The following ZNF827 variants were observed in gnomAD, a reference collection of about 807,000 sequenced individuals.
ZNF827 encodes zinc finger protein 827.
A neutral mutation model predicts 102.4 loss-of-function variants in ZNF827; 13 were observed. The observed-to-expected ratio is 0.13, with a 90% CI of 0.08 to 0.20. ZNF827 has a LOEUF of 0.20. Ranked by LOEUF, ZNF827 falls within the 10% of genes least tolerant of loss-of-function variation. ZNF827 has a pLI of 1.00. For missense variants in ZNF827, 1,103 were observed against 1,344.4 expected, an observed-to-expected ratio of 0.82 and a Z score of 2.81; for synonymous variants, 523 against 536.2, an observed-to-expected ratio of 0.98 and a Z score of 0.34.
chr4:145,824,991 A>G (rs945905215), intron 7 of ZNF827, among the ~76,000 whole-genome samples: 2 of 152,260 alleles, frequency 1.3e-5, no homozygotes, highest in Non-Finnish European at 2.9e-5. Context: ...CTTAAACACA[A>G]AACAATTTAA....
intron 1 of ZNF827, among the ~76,000 whole-genome samples, chr4:145,916,405 C>T (rs1752671284): frequency 6.6e-6 from 1 of 152,150 alleles, no homozygotes; most frequent in South Asian, 2.1e-4. Flanking sequence ...ATGTGGGGAG[C>T]AAAGACTTAC....
chr4:145,865,681 A>T (rs376587776), intron 5 of ZNF827, among the ~76,000 whole-genome samples: 132 of 152,294 alleles, frequency 8.7e-4, no homozygotes, highest in Middle Eastern at 3.4e-3. Context: ...AGCACCAAAC[A>T]CATTTCCACT....
chr4:145,881,230 GA>G (rs568214893), intron 4 of ZNF827, among the ~76,000 whole-genome samples: 203 of 152,316 alleles, frequency 1.3e-3, no homozygotes, highest in African/African-American at 4.7e-3. Flanking sequence ...TAATAAGTCA[GA>G]AACAGTTTAG....
chr4:145,887,950 A>AG (rs764098384), intron 3 of ZNF827, among the ~76,000 whole-genome samples: 1 of 152,164 alleles, frequency 6.6e-6, no homozygotes, highest in Non-Finnish European at 1.5e-5. Context: ...CCAGGAGAGG[A>AG]GGGGAGCTAA....
rs1206701804 is a variant in ZNF827, at chr4:145,759,255, A to T, written c.*2361T>A. 1 of 152,230 alleles carries T rather than the reference A, an allele frequency of 6.6e-6. No individual in the cohort carries two copies. Among genetic ancestry groups the T allele is most frequent in the Non-Finnish European group, 1.5e-5 (1 of 68,040 alleles). 9.4% of individuals were successfully genotyped at this position (152,230 alleles called of 1,614,324 possible). ...TTCTGTTGTTTTAAAAATACAAGCA[A>T]TGAACATATTCAGCCAAAGATTTTT... On this transcript the variant is annotated 3_prime_UTR_variant, in exon 15 of 15. Coordinates refer to ENST00000508784, the MANE Select transcript of ZNF827 (RefSeq NM_001306215.2).
Position 145,938,713 on chromosome 4 carries a change from T to A in ZNF827, c.-306A>T, listed in dbSNP as rs1406233642. ...TGGAAACGGATCTAATAGGTGTGAG[T>A]GTGTGTGTGTCCTATGCTCGCGTGT... is the stretch of plus-strand genomic sequence containing the variant. On this transcript the variant is annotated 5_prime_UTR_variant, in exon 1 of 15. Transcript: ENST00000508784. The A allele has an allele frequency of 1.0e-5, 4 of 388,560 alleles. No individual in the cohort carries two copies. In the Admixed American group the frequency reaches 1.6e-4, roughly 15 times the overall value. The allele number at this position is 388,560 out of a possible 1,614,324, so 24.1% of individuals were successfully genotyped here. A position where few individuals can be genotyped will look rare whatever the true frequency, so the allele number is the denominator to read the frequency against.
intron 7 of ZNF827, among the ~76,000 whole-genome samples, chr4:145,838,546 G>T (rs1054125179): frequency 6.7e-6 from 1 of 149,284 alleles, no homozygotes; most frequent in South Asian, 2.1e-4. Flanking sequence ...CAATTTTTTG[G>T]GGGGGGACCC....
Position 145,775,980 on chromosome 4 carries a change from A to G in ZNF827, c.2522-20T>C. On this transcript the variant is annotated intron_variant, in intron 9 of 14. Coordinates refer to ENST00000508784, the MANE Select transcript of ZNF827 (RefSeq NM_001306215.2). ...TTTCCTCTGGGGGAGAAGGAACAGG[A>G]AAAAGCCCAAATCGCTTTCAAAAAA... The G allele has an allele frequency of 3.1e-6, 5 of 1,614,038 alleles. No individual in the cohort carries two copies. The highest frequency in any genetic ancestry group is 4.2e-6 in the Non-Finnish European group (5 of 1,179,918).
At chr4:145,860,362 A>G (rs976922542) in intron 5 of ZNF827, among the ~76,000 whole-genome samples, 1 of 152,232 alleles carries the variant, frequency 6.6e-6, no homozygotes, top group African/African-American at 2.4e-5. Context: ...CTACCTCAAA[A>G]TAGCAGGAAG....
At chr4:145,886,329 A>C (rs1325372069) in intron 3 of ZNF827, among the ~76,000 whole-genome samples, 171 bp from the exon 4 acceptor site, 1 of 152,170 alleles carries the variant, frequency 6.6e-6, no homozygotes, top group Non-Finnish European at 1.5e-5. Context: ...CCTAAACATA[A>C]AGTGGGTCCA....
At chr4:145,875,128 T>C (rs1749046626) in intron 4 of ZNF827, among the ~76,000 whole-genome samples, 1 of 152,194 alleles carries the variant, frequency 6.6e-6, no homozygotes, top group African/African-American at 2.4e-5. Flanking sequence ...GAAAATACTA[T>C]ATAACTTCCC....
chr4:145,823,272 G>A, intron 8 of ZNF827, 150 bp downstream of exon 8: 1 of 625,296 alleles, frequency 1.6e-6, no homozygotes, highest in Non-Finnish European at 2.7e-6. Flanking sequence ...AACTTTTGTA[G>A]CTTAAATTGA....
intron 6 of ZNF827, 85 bp downstream of exon 6, chr4:145,849,237 G>GTT (rs71973224): frequency 4.4e-5 from 59 of 1,342,156 alleles, no homozygotes; most frequent in South Asian, 1.0e-4. Context: ...TATAATTCAG[G>GTT]TTTTTTTTTT....
chr4:145,891,827 C>G (rs1750629076), intron 3 of ZNF827, among the ~76,000 whole-genome samples: 1 of 152,186 alleles, frequency 6.6e-6, no homozygotes, highest in Non-Finnish European at 1.5e-5. Flanking sequence ...AGGGCAGTCT[C>G]TCCAGGAAGG....
chr4:145,861,734 C>T lies in ZNF827; in HGVS notation c.1981+8511G>A, dbSNP rs1374803970. Among the ~76,000 whole-genome samples the T allele has an allele frequency of 3.3e-5, 5 of 152,138 alleles. No homozygotes were observed. In the East Asian group the frequency reaches 9.6e-4, roughly 29 times the overall value. ...CTGCAGCCCTACCCACTCCCTGCTGCGTCCAGACCCCTCCCTGCCCTAGTC... is the reference window on the plus strand; with the variant it reads ...CTGCAGCCCTACCCACTCCCTGCTGTGTCCAGACCCCTCCCTGCCCTAGTC... On this transcript the variant is annotated intron_variant, in intron 5 of 14. Transcript: ENST00000508784.
At chr4:145,856,674 TACACACATACAC>T (rs1275551372) in intron 5 of ZNF827, among the ~76,000 whole-genome samples, 3 of 127,752 alleles carry the variant, frequency 2.3e-5, no homozygotes, top group African/African-American at 6.2e-5. Context: ...TGACCTCCAG[TACACACATACAC>T]ACACACACAC....
Position 145,938,638 on chromosome 4 carries a change from T to TA in ZNF827, c.-232dup. Reference sequence around the variant, plus strand: ...TCTTTTTTCCTTTTTTTTTTTTTTTTAAATTTTTGGTCGTGCACCTGGCTT... The same window carrying TA: ...TCTTTTTTCCTTTTTTTTTTTTTTTTAAAATTTTTGGTCGTGCACCTGGCTT... On this transcript the variant is annotated 5_prime_UTR_variant, in exon 1 of 15. Coordinates refer to ENST00000508784, the MANE Select transcript of ZNF827 (RefSeq NM_001306215.2). 5 of 474,748 alleles carry TA rather than the reference T, an allele frequency of 1.1e-5. No individual in the cohort carries two copies. Among genetic ancestry groups the TA allele is most frequent in the South Asian group, 2.5e-5 (1 of 39,654 alleles). The allele number at this position is 474,748 out of a possible 1,614,324, so 29.4% of individuals were successfully genotyped here.
At chr4:145,872,320 A>AAG (rs143489570) in intron 4 of ZNF827, among the ~76,000 whole-genome samples, 21 of 151,306 alleles carry the variant, frequency 1.4e-4, no homozygotes, top group South Asian at 4.2e-4. Context: ...GAAGAATAAG[A>AAG]AGAGAGAGAG....
intron 11 of ZNF827, among the ~76,000 whole-genome samples, chr4:145,766,973 CAA>C (rs1338188171): frequency 1.3e-5 from 2 of 152,040 alleles, no homozygotes; most frequent in Non-Finnish European, 2.9e-5. Flanking sequence ...AAACAAAGGT[CAA>C]GAGTATGTAT....
Sources: gnomAD v4.1 joint callset for allele counts (sites outside exome capture counted in the v4.1 genomes callset) on GRCh38, gnomAD v4.1.1 for gene constraint, MANE v1.5 for transcripts, NCBI Gene and HGNC (gene_info 2026-07-23, HGNC 2026-07-21) for gene names.